Variants in UPF1 observed in about 807,000 individuals in gnomAD.
The protein encoded by UPF1 is regulator of nonsense transcripts 1.
In UPF1, 9 loss-of-function variants were observed where a neutral mutation model predicts 129.2. The ratio of observed to expected loss-of-function variants is 0.07; its 90% CI spans 0.04 to 0.12. The LOEUF (loss-of-function observed/expected upper bound fraction) is 0.12. UPF1 is among the 10% of genes least tolerant of loss of function. The probability of loss-of-function intolerance (pLI) is 1.00; values close to 1 mark genes in which losing one functional copy is unlikely to be tolerated. For missense variants in UPF1, 788 were observed against 1,525.3 expected (o/e 0.52, Z 8.05); for synonymous variants, 649 against 644.9 (o/e 1.01, Z -0.10).
Position 18,832,559 on chromosome 19 carries a change from G to A in UPF1, c.231+119G>A. On this transcript the variant is annotated intron_variant, in intron 1 of 23. Transcript: ENST00000262803. The surrounding 1 kb of genome is among the most constrained non-coding windows in gnomAD (Gnocchi z 5.6). ...GGAGTCCCCCATCGCGGCCGGGCCT[G>A]GGGCGATCTGCCCCGGGTCCCCTAC... 1 of 739,966 alleles carries A rather than the reference G, an allele frequency of 1.4e-6. No homozygotes were observed. Among genetic ancestry groups the A allele is most frequent in the South Asian group, 6.0e-5 (1 of 16,608 alleles). The allele number at this position is 739,966 out of a possible 1,614,324, so 45.8% of individuals were successfully genotyped here. A position where few individuals can be genotyped will look rare whatever the true frequency, so the allele number is the denominator to read the frequency against.
At chr19:18,858,671 A>T (rs577983606) in intron 15 of UPF1, among the ~76,000 whole-genome samples, 5 of 152,222 alleles carry the variant, frequency 3.3e-5, no homozygotes, top group African/African-American at 1.2e-4. Flanking sequence ...CCCAGAGCCC[A>T]GGAGGGTGGA....
In UPF1 at chr19:18,846,077, A is replaced by G; in HGVS notation, c.329A>G (p.Glu110Gly). ...GAGTTGAACTTCGAGGAAGATGAAG[A>G]AGACACCTATTACACGAAGGACCTC... ...LAELNFEEDE[E>G]DTYYTKDLPI... Residue 110 changes from glutamate (E) to glycine (G), a missense_variant, in exon 2 of 24, where the codon GAA becomes GGA. By Grantham distance (98) the Glu-to-Gly change is moderately conservative. Coordinates refer to ENST00000262803, the MANE Select transcript of UPF1 (RefSeq NM_002911.4). The G allele has an allele frequency of 6.2e-7, 1 of 1,614,152 alleles. No individual in the cohort carries two copies. The highest frequency in any genetic ancestry group is 8.5e-7 in the Non-Finnish European group (1 of 1,180,016).
In UPF1 at chr19:18,865,155, G is replaced by A. The variant is rs1051738062; in HGVS notation, c.2858-134G>A. 2.7e-5 allele frequency: 32 copies of A among 1,173,490 alleles called. No homozygotes were observed. Among genetic ancestry groups the A allele is most frequent in the Admixed American group, 2.7e-4 (10 of 37,568 alleles). 72.7% of individuals were successfully genotyped at this position (1,173,490 alleles called of 1,614,324 possible). On this transcript the variant is annotated intron_variant, in intron 20 of 23. Coordinates refer to ENST00000262803, the MANE Select transcript of UPF1 (RefSeq NM_002911.4). This position sits in a 1 kb window ranked among gnomAD's most constrained non-coding sequence, Gnocchi z 6.1. ...TGCTGTAGTTAACATGGAGTCCTGC[G>A]AATCCGCATCTTCAGCCTGGGCAGA...
At chr19:18,863,680 G>T in intron 19 of UPF1, 68 bp downstream of exon 19, 2 of 1,526,142 alleles carry the variant, frequency 1.3e-6, no homozygotes, top group Non-Finnish European at 8.8e-7. Flanking sequence ...CTGGGAACGT[G>T]CCAGCTTGGC....
At chr19:18,846,625 G>T (rs1260227404) in intron 2 of UPF1, among the ~76,000 whole-genome samples, 1 of 152,044 alleles carries the variant, frequency 6.6e-6, no homozygotes, top group Non-Finnish European at 1.5e-5. Flanking sequence ...ATCTCGAGTG[G>T]GATCGTCCCT....
chr19:18,850,893 C>G lies in UPF1; in HGVS notation c.810+25C>G. The G allele has an allele frequency of 6.6e-7, 1 of 1,519,466 alleles. No homozygotes were observed. The highest frequency in any genetic ancestry group is 8.9e-7 in the Non-Finnish European group (1 of 1,129,100). The allele number at this position is 1,519,466 out of a possible 1,614,324, so 94.1% of individuals were successfully genotyped here. On this transcript the variant is annotated intron_variant, in intron 5 of 23. Transcript: ENST00000262803. The surrounding 1 kb of genome is among the most constrained non-coding windows in gnomAD (Gnocchi z 7.1). ...GGTGGGGCTGCCCAGCGGGCCGACC[C>G]GTGCCTTCGTGTGGTTTCTGGTTGC...
intron 19 of UPF1, among the ~76,000 whole-genome samples, 178 bp downstream of exon 19, chr19:18,863,790 G>T (rs893726376): frequency 5.3e-5 from 8 of 151,760 alleles, no homozygotes; most frequent in African/African-American, 1.7e-4. Context: ...GCCGTGTGTG[G>T]CATTTTTGGC....
At chr19:18,863,157 ACT>A in intron 18 of UPF1, 1 of 354,722 alleles carries the variant, frequency 2.8e-6, no homozygotes, top group Non-Finnish European at 5.2e-6. Flanking sequence ...TGGAAGGCCG[ACT>A]CTCTTGACAG....
chr19:18,859,103 T>C (rs2055749196), intron 15 of UPF1, among the ~76,000 whole-genome samples: 1 of 152,194 alleles, frequency 6.6e-6, no homozygotes, highest in Non-Finnish European at 1.5e-5. Context: ...GACACCGCTG[T>C]TCCCAGCGCA....
At chr19:18,839,805 C>G in intron 1 of UPF1, among the ~76,000 whole-genome samples, 1 of 152,176 alleles carries the variant, frequency 6.6e-6, no homozygotes, top group African/African-American at 2.4e-5. Context: ...AAGCCTTTGA[C>G]CCCCGCGGTT....
At chr19:18,849,702 T>A in intron 3 of UPF1, 5 of 226,130 alleles carry the variant, frequency 2.2e-5, no homozygotes, top group South Asian at 1.0e-4. Context: ...TGGCGGGGGT[T>A]GACCTTGGAA....
intron 8 of UPF1, 39 bp from the exon 9 acceptor site, chr19:18,854,562 C>T (rs745526275): frequency 6.4e-6 from 10 of 1,558,014 alleles, no homozygotes; most frequent in South Asian, 3.4e-5. Flanking sequence ...AAGGTCAGCC[C>T]GGCTTTTGAC....
chr19:18,865,554 C>T lies in UPF1; in HGVS notation c.3020-7C>T, dbSNP rs1191017861. On this transcript the variant is annotated splice_polypyrimidine_tract_variant and splice_region_variant and intron_variant, in intron 21 of 23. Transcript: ENST00000262803. The surrounding 1 kb of genome is among the most constrained non-coding windows in gnomAD (Gnocchi z 6.1). ...CCTTCGGATCACCCTGGACTGCTGT[C>T]TTTCAGGGCGAGGCACCCCGAAAGG... The T allele has an allele frequency of 6.2e-7, 1 of 1,613,952 alleles. No homozygotes were observed. The highest frequency in any genetic ancestry group is 8.5e-7 in the Non-Finnish European group (1 of 1,180,050).
At position 18,832,201 on chromosome 19, in the gene UPF1, G is replaced by A. The variant is rs1219702025; in HGVS notation, c.-9G>A. 6.5e-7 allele frequency: 1 copy of A among 1,535,368 alleles called. No individual in the cohort carries two copies. The highest frequency in any genetic ancestry group is 8.8e-7 in the Non-Finnish European group (1 of 1,139,914). The stretch of plus-strand genomic sequence containing the variant: ...CGGAACCGGCCCGAGGGCCCTACCC[G>A]GAGGCACCATGAGCGTGGAGGCGTA... On this transcript the variant is annotated 5_prime_UTR_variant, in exon 1 of 24. Coordinates refer to ENST00000262803, the MANE Select transcript of UPF1 (RefSeq NM_002911.4). The surrounding 1 kb of genome is among the most constrained non-coding windows in gnomAD (Gnocchi z 5.6).
chr19:18,856,641 G>A (rs1034471498), intron 13 of UPF1, among the ~76,000 whole-genome samples: 7 of 152,202 alleles, frequency 4.6e-5, no homozygotes, highest in African/African-American at 1.7e-4. Flanking sequence ...GTCGTGAGGC[G>A]CAGAGCTCTT....
chr19:18,841,337 C>G (rs952078551), intron 1 of UPF1, among the ~76,000 whole-genome samples: 2 of 152,164 alleles, frequency 1.3e-5, no homozygotes, highest in Admixed American at 1.3e-4. Flanking sequence ...ATTGGCGATA[C>G]TCAGCCATTT....
At chr19:18,862,354 C>T (rs540024555) in intron 18 of UPF1, among the ~76,000 whole-genome samples, 8 of 152,204 alleles carry the variant, frequency 5.3e-5, no homozygotes, top group Middle Eastern at 3.4e-3. Context: ...CCCAGCAGGA[C>T]GTATTTTTCC....
At chr19:18,838,465 A>G (rs915923892) in intron 1 of UPF1, among the ~76,000 whole-genome samples, 5 of 152,114 alleles carry the variant, frequency 3.3e-5, no homozygotes, top group Admixed American at 1.3e-4. Flanking sequence ...CTTGACCAAC[A>G]TGGAGAAATC....
intron 20 of UPF1, among the ~76,000 whole-genome samples, chr19:18,864,770 C>A (rs982399459): frequency 7.8e-6 from 1 of 128,066 alleles, no homozygotes; most frequent in Non-Finnish European, 1.6e-5. Flanking sequence ...GACCGAGTCT[C>A]GCTCTGTTGC....
Sources: allele counts gnomAD v4.1 joint callset (sites outside exome capture counted in the v4.1 genomes callset), GRCh38; gene constraint gnomAD v4.1.1; non-coding constraint Gnocchi (gnomAD v3.1); transcripts MANE v1.5; gene names NCBI Gene and HGNC (gene_info 2026-07-23, HGNC 2026-07-21).